CACHD1: variants seen among roughly 807,000 people sequenced by gnomAD.
The protein encoded by CACHD1 is cache domain containing 1.
In CACHD1, 71 loss-of-function variants were observed where a neutral mutation model predicts 138.7. The ratio of observed to expected loss-of-function variants is 0.51; its 90% CI spans 0.42 to 0.62. The LOEUF (loss-of-function observed/expected upper bound fraction) is 0.62. CACHD1 is among the 20% of genes least tolerant of loss of function. The pLI, the probability that CACHD1 is intolerant of heterozygous loss-of-function variation, is 0.00. For missense variants in CACHD1, 1,389 were observed against 1,625.3 expected (o/e 0.85, Z 2.50); for synonymous variants, 578 against 591.5 (o/e 0.98, Z 0.33).
rs537255925 is a variant in CACHD1 at position 64,486,316 on chromosome 1, C to T, written c.198+15374C>T. 2.9e-4 allele frequency among the ~76,000 whole-genome samples: 44 copies of T among 151,832 alleles called. 1 individual carries two copies. The South Asian group carries it at 8.9e-3, about 31-fold the overall frequency. Reference sequence around the variant, plus strand: ...ATTTCCATAACCAAAAAAGTTTTCACATATTCATTTATTGTCAAGTTTTGA... The same window carrying T: ...ATTTCCATAACCAAAAAAGTTTTCATATATTCATTTATTGTCAAGTTTTGA... On this transcript the variant is annotated intron_variant, in intron 1 of 26. Coordinates refer to ENST00000651257, the MANE Select transcript of CACHD1 (RefSeq NM_020925.4).
chr1:64,659,375 A>G (rs559105735), intron 13 of CACHD1, among the ~76,000 whole-genome samples: 79 of 152,264 alleles, frequency 5.2e-4, no homozygotes, highest in Admixed American at 7.8e-4. Context: ...ACATGTAAGT[A>G]TGGGGATATT....
chr1:64,631,413 T>C (rs770531563), intron 5 of CACHD1, among the ~76,000 whole-genome samples: 32 of 152,228 alleles, frequency 2.1e-4, no homozygotes, highest in Non-Finnish European at 1.3e-4. Flanking sequence ...CATGAAAATA[T>C]AGTGGTACTT....
intron 4 of CACHD1, among the ~76,000 whole-genome samples, chr1:64,607,918 T>C (rs920012295): frequency 1.3e-5 from 2 of 152,182 alleles, no homozygotes; most frequent in African/African-American, 4.8e-5. Flanking sequence ...AGGTTTAGAC[T>C]GAAACTCAGT....
At chr1:64,578,633 G>C (rs1197735528) in intron 2 of CACHD1, among the ~76,000 whole-genome samples, 1 of 152,176 alleles carries the variant, frequency 6.6e-6, no homozygotes, top group Non-Finnish European at 1.5e-5. Context: ...TACTCTGGGG[G>C]CTGAAATTAT....
At chr1:64,672,804 A>G (rs1278667938) in intron 17 of CACHD1, among the ~76,000 whole-genome samples, 1 of 152,196 alleles carries the variant, frequency 6.6e-6, no homozygotes, top group African/African-American at 2.4e-5. Context: ...TACTTCCTTT[A>G]GGATCTGCTT....
chr1:64,494,165 C>T (rs887591152), intron 1 of CACHD1, among the ~76,000 whole-genome samples: 2 of 152,216 alleles, frequency 1.3e-5, no homozygotes, highest in African/African-American at 4.8e-5. Flanking sequence ...GAGGGCCCCA[C>T]TTCTCTGAGC....
In CACHD1 at chr1:64,511,176, G is replaced by A. The variant is rs532666672; in HGVS notation, c.199-39418G>A. On this transcript the variant is annotated intron_variant, in intron 1 of 26. Coordinates refer to ENST00000651257, the MANE Select transcript of CACHD1 (RefSeq NM_020925.4). ...GGTTTGCAAATGAAGGAGACTAATC[G>A]TACTTCTGCTGTAGAGCAGGCACTG... 4.6e-5 allele frequency among the ~76,000 whole-genome samples: 7 copies of A among 152,302 alleles called. No homozygotes were observed. In the South Asian group the frequency reaches 1.0e-3, roughly 23 times the overall value.
Position 64,547,183 on chromosome 1 carries a change from A to T in CACHD1, c.199-3411A>T, listed in dbSNP as rs187121896. ...CCTACCACATACAGTTGTTATGAAG[A>T]TCAAATGCAATAATTTATGTGAAAT... is the stretch of plus-strand genomic sequence containing the variant. On this transcript the variant is annotated intron_variant, in intron 1 of 26. Transcript: ENST00000651257. Among the ~76,000 whole-genome samples the T allele has an allele frequency of 1.6e-4, 24 of 152,316 alleles. No individual in the cohort carries two copies. In the East Asian group the frequency reaches 4.4e-3, roughly 28 times the overall value.
chr1:64,550,506 A>G (rs1283257833), intron 1 of CACHD1, 88 bp from the exon 2 acceptor site: 18 of 944,748 alleles, frequency 1.9e-5, no homozygotes, highest in Admixed American at 6.6e-5. Context: ...ACTAGATTCT[A>G]TTTGTTGTAA....
In CACHD1 at chr1:64,681,342, A is replaced by T. The variant is rs1205478037; in HGVS notation, c.3484+7A>T. 3 of 1,608,438 alleles carry T rather than the reference A, an allele frequency of 1.9e-6. No individual in the cohort carries two copies. The highest frequency in any genetic ancestry group is 2.6e-6 in the Non-Finnish European group (3 of 1,174,976). On this transcript the variant is annotated splice_region_variant and intron_variant, in intron 25 of 26. Transcript: ENST00000651257. ...CACGAAGACAGAGGCATCAGTGAGT[A>T]TTCAGCTGCCTTGCTGCAGAATGTG...
At position 64,689,633 on chromosome 1, in the gene CACHD1, G is replaced by A. The variant is rs367993557; in HGVS notation, c.3587-1690G>A. On this transcript the variant is annotated intron_variant, in intron 26 of 26. Coordinates refer to ENST00000651257, the MANE Select transcript of CACHD1 (RefSeq NM_020925.4). ...GTGGTCTCTCCATTTGCTACTCTTCGGCACGGGCTTTATGATTTGACTTAA... is the reference window on the plus strand; with the variant it reads ...GTGGTCTCTCCATTTGCTACTCTTCAGCACGGGCTTTATGATTTGACTTAA... Among the ~76,000 whole-genome samples the A allele has an allele frequency of 4.9e-4, 74 of 152,018 alleles. 1 individual carries two copies. The highest frequency in any genetic ancestry group is 1.6e-3 in the African/African-American group (67 of 41,440).
At chr1:64,585,085 T>G (rs776150658) in intron 3 of CACHD1, among the ~76,000 whole-genome samples, 6 of 152,228 alleles carry the variant, frequency 3.9e-5, no homozygotes, top group Non-Finnish European at 5.9e-5. Context: ...ATAAATACTC[T>G]AAATTTCTAG....
intron 2 of CACHD1, among the ~76,000 whole-genome samples, chr1:64,553,529 C>T (rs1006163080): frequency 5.3e-5 from 8 of 152,194 alleles, no homozygotes; most frequent in African/African-American, 1.9e-4. Context: ...CCACGGATCC[C>T]AGCTAGTAGG....
intron 19 of CACHD1, among the ~76,000 whole-genome samples, chr1:64,674,503 C>A (rs1268899229): frequency 3.3e-5 from 5 of 152,108 alleles, no homozygotes; most frequent in Admixed American, 3.3e-4. Context: ...CCAAGTTATC[C>A]CCAAATGGAA....
At chr1:64,539,712 T>A (rs984565343) in intron 1 of CACHD1, among the ~76,000 whole-genome samples, 1 of 152,210 alleles carries the variant, frequency 6.6e-6, no homozygotes, top group Non-Finnish European at 1.5e-5. Flanking sequence ...GTCTAAACAG[T>A]ACCTGGCCCA....
At chr1:64,680,401 T>C (rs905551480) in intron 24 of CACHD1, among the ~76,000 whole-genome samples, 2 of 151,666 alleles carry the variant, frequency 1.3e-5, no homozygotes, top group South Asian at 2.1e-4. Context: ...GGCAGGAGAA[T>C]CGCTTGAACC....
At chr1:64,563,440 G>C (rs1219206731) in intron 2 of CACHD1, among the ~76,000 whole-genome samples, 2 of 152,150 alleles carry the variant, frequency 1.3e-5, no homozygotes, top group Admixed American at 1.3e-4. Context: ...TCACCTGAAA[G>C]CAAGATATAC....
chr1:64,551,406 T>C (rs953918275), intron 2 of CACHD1, among the ~76,000 whole-genome samples: 1 of 152,080 alleles, frequency 6.6e-6, no homozygotes, highest in Non-Finnish European at 1.5e-5. Context: ...GGGTGGTAAA[T>C]AGGAGTTGGT....
intron 20 of CACHD1, 57 bp downstream of exon 20, chr1:64,675,618 A>G (rs1381852871): frequency 9.7e-6 from 15 of 1,543,000 alleles, no homozygotes; most frequent in Non-Finnish European, 1.3e-5. Context: ...ATTTCAACTG[A>G]TGTCAGGCAT....
Sources: allele counts gnomAD v4.1 joint callset (sites outside exome capture counted in the v4.1 genomes callset), GRCh38; gene constraint gnomAD v4.1.1; transcripts MANE v1.5; gene names NCBI Gene and HGNC (gene_info 2026-07-23, HGNC 2026-07-21).